Variants in HPSE2 observed in about 807,000 individuals in gnomAD.
HPSE2 encodes the protein heparanase 2 (inactive).
In HPSE2, 38 loss-of-function variants were observed where a neutral mutation model predicts 60.5. The ratio of observed to expected loss-of-function variants is 0.63; its 90% CI spans 0.48 to 0.82. The LOEUF is 0.82. HPSE2 is among the 40% of genes least tolerant of loss of function. The pLI, the probability that HPSE2 is intolerant of heterozygous loss-of-function variation, is 0.00. For synonymous variants in HPSE2, 295 were observed against 293.2 expected (o/e 1.01, Z -0.06); for missense variants, 713 against 740.4 (o/e 0.96, Z 0.43).
intron 3 of HPSE2, among the ~76,000 whole-genome samples, chr10:99,082,694 C>T (rs924223499): frequency 3.3e-5 from 5 of 152,082 alleles, no homozygotes; most frequent in Non-Finnish European, 7.4e-5. Context: ...ATGCCTAGCA[C>T]GTACTAGATA....
At chr10:98,695,550 T>C (rs2134174429) in intron 5 of HPSE2, among the ~76,000 whole-genome samples, 1 of 152,304 alleles carries the variant, frequency 6.6e-6, no homozygotes, top group East Asian at 1.9e-4. Flanking sequence ...CCTTGCTTGG[T>C]AAGGTGGATA....
At chr10:98,698,918 A>T (rs1394878757) in intron 5 of HPSE2, among the ~76,000 whole-genome samples, 1 of 152,216 alleles carries the variant, frequency 6.6e-6, no homozygotes, top group African/African-American at 2.4e-5. Flanking sequence ...CTCCACACAT[A>T]CACCCTCCCA....
intron 6 of HPSE2, among the ~76,000 whole-genome samples, chr10:98,667,960 C>T (rs7912173): frequency 0.5 from 75,452 of 152,018 alleles, 20,984 homozygotes; most frequent in South Asian, 0.74. Context: ...AAATAAAAGG[C>T]ATCCAAATAA....
At chr10:99,229,797 C>A (rs908324147) in intron 2 of HPSE2, among the ~76,000 whole-genome samples, 1 of 152,084 alleles carries the variant, frequency 6.6e-6, no homozygotes, top group East Asian at 1.9e-4. Flanking sequence ...TAATAAGATG[C>A]CTTTATGCCC....
rs1406680743 is a variant in HPSE2, at chr10:98,634,877, GT to G, written c.1098+6969del. ...CTCTGATCATACCCTAAGAAGAACTGTATAAATTAGAGAGTCTAACTTTTAG... is the reference window on the plus strand; with the variant it reads ...CTCTGATCATACCCTAAGAAGAACTGATAAATTAGAGAGTCTAACTTTTAG... On this transcript the variant is annotated intron_variant, in intron 7 of 11. Transcript: ENST00000370552. 4.6e-5 allele frequency among the ~76,000 whole-genome samples: 7 copies of G among 152,300 alleles called. No individual in the cohort carries two copies. In the East Asian group the frequency reaches 1.4e-3, roughly 29 times the overall value.
At chr10:99,186,061 G>C (rs1036676023) in intron 2 of HPSE2, among the ~76,000 whole-genome samples, 1 of 144,912 alleles carries the variant, frequency 6.9e-6, no homozygotes, top group African/African-American at 2.5e-5. Flanking sequence ...ATAAACCATG[G>C]CCAGATCCAA....
chr10:99,269,050 T>A, the HPSE2 span, among the ~76,000 whole-genome samples: 2 of 151,730 alleles, frequency 1.3e-5, no homozygotes, highest in Non-Finnish European at 2.9e-5. Flanking sequence ...TCCCAGTTAC[T>A]TGAGGGTCCA....
intron 3 of HPSE2, among the ~76,000 whole-genome samples, chr10:99,083,668 A>T (rs1194954974): frequency 6.6e-6 from 1 of 152,208 alleles, no homozygotes; most frequent in African/African-American, 2.4e-5. Flanking sequence ...AGATGGGTAG[A>T]GATCAGAAAT....
intron 10 of HPSE2, among the ~76,000 whole-genome samples, chr10:98,488,795 AT>A (rs1941535039): frequency 6.6e-6 from 1 of 152,206 alleles, no homozygotes; most frequent in South Asian, 2.1e-4. Flanking sequence ...TCTGTCAGGT[AT>A]TGGATTGAGC....
chr10:98,878,898 G>A (rs1952945143), intron 3 of HPSE2, among the ~76,000 whole-genome samples: 3 of 151,942 alleles, frequency 2.0e-5, no homozygotes, highest in Admixed American at 2.0e-4. Flanking sequence ...GTATAAAGAT[G>A]AGTGAGAGAG....
At chr10:98,988,297 A>G (rs1207566186) in intron 3 of HPSE2, among the ~76,000 whole-genome samples, 2 of 152,310 alleles carry the variant, frequency 1.3e-5, no homozygotes, top group East Asian at 3.8e-4. Flanking sequence ...CAAAACAGAG[A>G]TATAGATCAA....
At chr10:98,586,476 C>T (rs1944944178) in intron 9 of HPSE2, among the ~76,000 whole-genome samples, 1 of 152,044 alleles carries the variant, frequency 6.6e-6, no homozygotes, top group African/African-American at 2.4e-5. Context: ...AATGTTTTTT[C>T]TTAATTTAAG....
At chr10:98,958,288 A>T (rs1462506152) in intron 3 of HPSE2, among the ~76,000 whole-genome samples, 1 of 152,114 alleles carries the variant, frequency 6.6e-6, no homozygotes, top group Non-Finnish European at 1.5e-5. Context: ...AAACAATTTT[A>T]ATACATGTGC....
intron 6 of HPSE2, among the ~76,000 whole-genome samples, chr10:98,688,477 C>CTTTTTTTTTTTTTTTTTTTTTTTTTTTT (rs1388717965): frequency 1.2e-5 from 1 of 83,012 alleles, no homozygotes. Context: ...TTTTTTTTTT[C>CTTTTTTTTTTTTTTTTTTTTTTTTTTTT]TTTTTTTTTT....
At chr10:98,673,114 A>C (rs1396317118) in intron 6 of HPSE2, among the ~76,000 whole-genome samples, 1 of 152,178 alleles carries the variant, frequency 6.6e-6, no homozygotes, top group Non-Finnish European at 1.5e-5. Flanking sequence ...GTAATCCTAG[A>C]ATGCAAGCTC....
chr10:98,730,151 C>G (rs1949192594), intron 4 of HPSE2, among the ~76,000 whole-genome samples: 1 of 151,994 alleles, frequency 6.6e-6, no homozygotes, highest in Admixed American at 6.6e-5. Context: ...AATGGATGTG[C>G]TTTAATCACA....
intron 3 of HPSE2, among the ~76,000 whole-genome samples, chr10:98,984,857 T>C (rs1956299542): frequency 6.6e-6 from 1 of 152,144 alleles, no homozygotes; most frequent in South Asian, 2.1e-4. Flanking sequence ...CAAGCGTCAG[T>C]AGCCAATTCG....
intron 9 of HPSE2, among the ~76,000 whole-genome samples, chr10:98,562,307 A>G (rs1944209512): frequency 6.6e-6 from 1 of 152,198 alleles, no homozygotes; most frequent in Non-Finnish European, 1.5e-5. Context: ...CTAACAATGC[A>G]TTTCTTAGAA....
intron 3 of HPSE2, among the ~76,000 whole-genome samples, chr10:98,841,696 T>C (rs1951916331): frequency 6.6e-6 from 1 of 152,178 alleles, no homozygotes; most frequent in Non-Finnish European, 1.5e-5. Flanking sequence ...TTTCAATAAT[T>C]TTACTGTATA....
Sources: gnomAD v4.1 joint callset for allele counts (sites outside exome capture counted in the v4.1 genomes callset) on GRCh38, gnomAD v4.1.1 for gene constraint, MANE v1.5 for transcripts, NCBI Gene and HGNC (gene_info 2026-07-23, HGNC 2026-07-21) for gene names.